PCDHA4: variants seen among roughly 807,000 people sequenced by gnomAD.
PCDHA4 encodes the protein protocadherin alpha-4.
PCDHA4 carries 49 observed loss-of-function variants against 61.4 expected under a neutral mutation model. The observed-to-expected ratio is 0.80, with a 90% CI of 0.63 to 1.01. The LOEUF is 1.01. Ranked by LOEUF, PCDHA4 falls within the 50% of genes least tolerant of loss-of-function variation. The pLI is 0.00. For synonymous variants in PCDHA4, 590 were observed against 550.3 expected, an observed-to-expected ratio of 1.07 and a Z score of -1.01; for missense variants, 1,254 against 1,235.8, an observed-to-expected ratio of 1.01 and a Z score of -0.22.
rs2150259063 is a variant in PCDHA4 at position 140,836,376 on chromosome 5, G to T, written c.2385+26804G>T. ...GCCCTCGCTGACAGCCACAGCCACCGTGCTGGTGTCGCTGGTGGAAAGCGG... is the reference window on the plus strand; with the variant it reads ...GCCCTCGCTGACAGCCACAGCCACCTTGCTGGTGTCGCTGGTGGAAAGCGG... On this transcript the variant is annotated intron_variant, in intron 1 of 3. Coordinates refer to ENST00000530339, the MANE Select transcript of PCDHA4 (RefSeq NM_018907.4). 3.7e-6 allele frequency: 6 copies of T among 1,613,644 alleles called. No homozygotes were observed. In the Admixed American group the frequency reaches 6.7e-5, roughly 18 times the overall value.
intron 1 of PCDHA4, among the ~76,000 whole-genome samples, chr5:140,921,063 T>G (rs1054649837): frequency 6.6e-6 from 1 of 152,078 alleles, no homozygotes; most frequent in Admixed American, 6.6e-5. Context: ...CACTCTAACC[T>G]TGAACTCTTG....
intron 1 of PCDHA4, chr5:140,828,662 C>T: frequency 6.2e-7 from 1 of 1,614,124 alleles, no homozygotes; most frequent in Non-Finnish European, 8.5e-7. Flanking sequence ...TGACAATAAA[C>T]AAATTGGGCT....
intron 3 of PCDHA4, among the ~76,000 whole-genome samples, chr5:141,001,133 A>G (rs2097993653): frequency 6.6e-6 from 1 of 152,034 alleles, no homozygotes; most frequent in Non-Finnish European, 1.5e-5. Flanking sequence ...AAACAAATGA[A>G]TCTTCTGTTG....
chr5:140,955,956 G>C (rs2095241724), intron 1 of PCDHA4, among the ~76,000 whole-genome samples: 1 of 152,050 alleles, frequency 6.6e-6, no homozygotes, highest in Admixed American at 6.6e-5. Flanking sequence ...CTTGCTTGTT[G>C]TTTGTGCATA....
At chr5:140,844,393 C>A (rs1368832554) in intron 1 of PCDHA4, among the ~76,000 whole-genome samples, 1 of 149,238 alleles carries the variant, frequency 6.7e-6, no homozygotes. Context: ...ATTATTTAGA[C>A]CATTTTACCA....
chr5:140,870,750 G>T, intron 1 of PCDHA4: 1 of 1,613,506 alleles, frequency 6.2e-7, no homozygotes, highest in Non-Finnish European at 8.5e-7. Flanking sequence ...GCAACGTGAC[G>T]CTGCAGGTGT....
chr5:140,841,468 G>A, intron 1 of PCDHA4: 1 of 1,612,986 alleles, frequency 6.2e-7, no homozygotes, highest in Non-Finnish European at 8.5e-7. Context: ...GCCGGATCGC[G>A]CAGGACCTGG....
rs782443702 is a variant in PCDHA4 at position 140,824,610 on chromosome 5, G to GTTTTTTTTTTTTTTTTTTT, written c.2385+15042_2385+15060dup. 21 of 95,112 alleles carry GTTTTTTTTTTTTTTTTTTT rather than the reference G, an allele frequency of 2.2e-4. 4 individuals carry two copies. Among genetic ancestry groups the GTTTTTTTTTTTTTTTTTTT allele is most frequent in the Middle Eastern group, 6.7e-3 (1 of 150 alleles). 5.9% of individuals were successfully genotyped at this position (95,112 alleles called of 1,614,324 possible). A position where few individuals can be genotyped will look rare whatever the true frequency, so the allele number is the denominator to read the frequency against. On this transcript the variant is annotated intron_variant, in intron 1 of 3. Transcript: ENST00000530339. ...GGACTACATGCACATGCTAATTAAA[G>GTTTTTTTTTTTTTTTTTTT]TTTTTTTTTTTTTTTTTTTTTTATT...
chr5:140,829,673 C>G (rs1246503495), intron 1 of PCDHA4: 3 of 1,613,006 alleles, frequency 1.9e-6, no homozygotes, highest in South Asian at 2.2e-5. Flanking sequence ...CCACGAGGAG[C>G]TAGAGCTGCT....
At chr5:140,940,599 C>T (rs1356432549) in intron 1 of PCDHA4, among the ~76,000 whole-genome samples, 2 of 151,918 alleles carry the variant, frequency 1.3e-5, no homozygotes, top group African/African-American at 4.8e-5. Context: ...AGGCATGAGC[C>T]GCTGCTCCTG....
At chr5:140,928,504 A>G (rs1408229072) in intron 1 of PCDHA4, 1 of 1,614,092 alleles carries the variant, frequency 6.2e-7, no homozygotes, top group African/African-American at 1.3e-5. Flanking sequence ...CAGAAGTGCA[A>G]CAGTGACTAT....
At chr5:140,951,988 A>C (rs2094668820) in intron 1 of PCDHA4, among the ~76,000 whole-genome samples, 1 of 152,226 alleles carries the variant, frequency 6.6e-6, no homozygotes, top group African/African-American at 2.4e-5. Context: ...GGGAAAAACC[A>C]GCCAAAAGAA....
intron 1 of PCDHA4, among the ~76,000 whole-genome samples, chr5:140,892,990 G>T (rs782084236): frequency 1.3e-5 from 2 of 152,164 alleles, no homozygotes; most frequent in African/African-American, 2.4e-5. Context: ...GTATAAGTGA[G>T]AACATGTATT....
chr5:140,933,276 G>T (rs1392004837), intron 1 of PCDHA4, among the ~76,000 whole-genome samples: 2 of 151,892 alleles, frequency 1.3e-5, no homozygotes, highest in Non-Finnish European at 2.9e-5. Context: ...TATTCATTTG[G>T]AACTTGTTTT....
rs994045696 is a variant in PCDHA4 at position 140,859,234 on chromosome 5, T to G, written c.2385+49662T>G. 5 of 142,110 alleles carry G rather than the reference T, an allele frequency of 3.5e-5. 2 individuals carry two copies. The highest frequency in any genetic ancestry group is 8.0e-5 in the Non-Finnish European group (5 of 62,814). The allele number at this position is 142,110 out of a possible 1,614,324, so 8.8% of individuals were successfully genotyped here. A position where few individuals can be genotyped will look rare whatever the true frequency, so the allele number is the denominator to read the frequency against. ...CTCTTTCACTTTAAGGAAGGAGTCA[T>G]GCTTATGTTTAATAATGAAGAGAAT... On this transcript the variant is annotated intron_variant, in intron 1 of 3. Transcript: ENST00000530339.
At position 140,985,395 on chromosome 5, in the gene PCDHA4, C is replaced by G. The variant is rs377641758; in HGVS notation, c.2533+2832C>G. 2.6e-5 allele frequency among the ~76,000 whole-genome samples: 4 copies of G among 152,302 alleles called. No individual in the cohort carries two copies. The East Asian group carries it at 7.7e-4, about 29-fold the overall frequency. On this transcript the variant is annotated intron_variant, in intron 3 of 3. Coordinates refer to ENST00000530339, the MANE Select transcript of PCDHA4 (RefSeq NM_018907.4). ...GGTCTATATAATCCAGTCACCCCAACTGTTCCCCTGGAAATGGAGTGAGGA... is the reference window on the plus strand; with the variant it reads ...GGTCTATATAATCCAGTCACCCCAAGTGTTCCCCTGGAAATGGAGTGAGGA...
At chr5:140,888,834 C>T (rs2061995964) in intron 1 of PCDHA4, among the ~76,000 whole-genome samples, 1 of 152,080 alleles carries the variant, frequency 6.6e-6, no homozygotes, top group Non-Finnish European at 1.5e-5. Context: ...CATCACTCCA[C>T]TGCAGCCTGG....
At position 140,807,348 on chromosome 5, in the gene PCDHA4, T is replaced by C. The variant is rs1763896011; in HGVS notation, c.161T>C (p.Leu54Pro). ...FVGRIAQDLG[L>P]ELAELVPRLF... The stretch of plus-strand genomic sequence containing the variant: ...GGCCGCATCGCGCAGGACCTGGGAC[T>C]GGAGCTGGCGGAGCTGGTGCCGCGC... The change falls in exon 1 of 4, where the codon CTG (leucine) becomes CCG (proline). Residue 54 changes from leucine (L) to proline (P), a missense_variant. Leu to Pro is a moderately conservative substitution (Grantham distance 98, BLOSUM62 -3). Transcript: ENST00000530339. The C allele has an allele frequency of 6.2e-7, 1 of 1,612,548 alleles. No individual in the cohort carries two copies. The highest frequency in any genetic ancestry group is 1.7e-5 in the Admixed American group (1 of 59,886).
At chr5:140,878,735 C>T (rs2057715661) in intron 1 of PCDHA4, among the ~76,000 whole-genome samples, 1 of 152,198 alleles carries the variant, frequency 6.6e-6, no homozygotes, top group Non-Finnish European at 1.5e-5. Context: ...AGCCTTATAT[C>T]TACTTTCTTA....
Sources: gnomAD v4.1 joint callset for allele counts (sites outside exome capture counted in the v4.1 genomes callset) on GRCh38, gnomAD v4.1.1 for gene constraint, MANE v1.5 for transcripts, NCBI Gene and HGNC (gene_info 2026-07-23, HGNC 2026-07-21) for gene names.